Variants in STPG2 observed in about 807,000 individuals in gnomAD.
The protein encoded by STPG2 is sperm-tail PG-rich repeat-containing protein 2.
Under a neutral mutation model 54.2 loss-of-function variants are expected in STPG2, and 56 were observed. The observed-to-expected ratio is 1.03, with a 90% CI of 0.83 to 1.29. STPG2 has a LOEUF of 1.29. STPG2 is among the 50% of genes most tolerant of loss of function. STPG2 has a pLI of 0.00. For missense variants in STPG2, 596 were observed against 544.9 expected (o/e 1.09, Z -0.93); for synonymous variants, 200 against 181.8 (o/e 1.10, Z -0.81).
chr4:97,861,072 C>A (rs1729515821), intron 8 of STPG2, among the ~76,000 whole-genome samples: 1 of 152,016 alleles, frequency 6.6e-6, no homozygotes, highest in Non-Finnish European at 1.5e-5. Flanking sequence ...CTCAGAATGG[C>A]AGAAAATATT....
rs752718316 is a variant in STPG2 at position 97,712,704 on chromosome 4, A to C, written c.1315T>G (p.Tyr439Asp). ...AGAAGGAAATATTGACAAACCTCAT[A>C]TGTTGCTGGGCCTGGAGTAATCTCT... ...SKEITPGPATYEISQEKKKGN... is the reference protein window; with the variant it reads ...SKEITPGPATDEISQEKKKGN... Residue 439 changes from tyrosine (Y) to aspartate (D), a missense_variant, in exon 10 of 11, where the codon TAT becomes GAT. Tyr to Asp is a radical substitution (Grantham distance 160). Transcript: ENST00000295268. 1.3e-6 allele frequency: 2 copies of C among 1,572,188 alleles called. No homozygotes were observed. Among genetic ancestry groups the C allele is most frequent in the African/African-American group, 1.4e-5 (1 of 73,470 alleles).
chr4:97,538,448 G>A (rs1261960676), intron 4 of STPG2, among the ~76,000 whole-genome samples: 17 of 152,182 alleles, frequency 1.1e-4, no homozygotes, highest in South Asian at 2.1e-4. Flanking sequence ...ATCAGGGATC[G>A]AAGATCAAAT....
intron 10 of STPG2, among the ~76,000 whole-genome samples, chr4:97,666,984 TCAC>T (rs764526308): frequency 1.3e-5 from 2 of 152,174 alleles, no homozygotes; most frequent in Middle Eastern, 3.4e-3. Context: ...ACCTCCACTA[TCAC>T]CACCACCACC....
intron 10 of STPG2, among the ~76,000 whole-genome samples, chr4:97,685,887 G>A (rs1723173725): frequency 6.6e-6 from 1 of 152,128 alleles, no homozygotes; most frequent in Admixed American, 6.5e-5. Context: ...AGAGCAGTCT[G>A]ACTAATACAG....
intron 3 of STPG2, among the ~76,000 whole-genome samples, chr4:98,115,386 C>T (rs1160196162): frequency 6.6e-6 from 1 of 151,822 alleles, no homozygotes; most frequent in Non-Finnish European, 1.5e-5. Context: ...TAATAGTTAC[C>T]TGGGCTCTTC....
At chr4:97,680,037 G>C (rs1442540175) in intron 10 of STPG2, among the ~76,000 whole-genome samples, 1 of 152,088 alleles carries the variant, frequency 6.6e-6, no homozygotes, top group Non-Finnish European at 1.5e-5. Flanking sequence ...TAGCCTTGTA[G>C]TATAGTTTGA....
At chr4:97,918,169 A>G (rs886461300) in intron 8 of STPG2, among the ~76,000 whole-genome samples, 2 of 151,812 alleles carry the variant, frequency 1.3e-5, no homozygotes, top group Admixed American at 6.6e-5. Context: ...TGAGAAAGAA[A>G]AATTACTAAA....
At chr4:98,050,354 A>G (rs559554122) in intron 5 of STPG2, among the ~76,000 whole-genome samples, 2 of 152,254 alleles carry the variant, frequency 1.3e-5, no homozygotes, top group Non-Finnish European at 2.9e-5. Context: ...ATTGAAAATT[A>G]TTAAAGCTGA....
At chr4:97,940,075 G>T (rs1044875892) in intron 8 of STPG2, among the ~76,000 whole-genome samples, 1 of 152,146 alleles carries the variant, frequency 6.6e-6, no homozygotes. Flanking sequence ...AACTTAGCTG[G>T]ATATAAAATT....
chr4:97,848,486 T>C (rs977274424), intron 8 of STPG2, among the ~76,000 whole-genome samples: 3 of 152,144 alleles, frequency 2.0e-5, no homozygotes, highest in Non-Finnish European at 2.9e-5. Flanking sequence ...TCTAGGGGTA[T>C]ACAAGCTCCA....
At chr4:97,672,869 T>G (rs761083739) in intron 10 of STPG2, among the ~76,000 whole-genome samples, 7 of 152,216 alleles carry the variant, frequency 4.6e-5, no homozygotes, top group Non-Finnish European at 1.0e-4. Context: ...AAAAGGCAGT[T>G]GGAGGCTTCT....
intron 8 of STPG2, among the ~76,000 whole-genome samples, chr4:97,910,217 G>T (rs551437857): frequency 1.2e-4 from 18 of 152,290 alleles, no homozygotes; most frequent in African/African-American, 3.8e-4. Context: ...AAACTCTTGG[G>T]CAGAGCCATG....
intron 10 of STPG2, among the ~76,000 whole-genome samples, chr4:97,605,361 C>T (rs567400610): frequency 6.6e-6 from 1 of 151,776 alleles, no homozygotes; most frequent in South Asian, 2.1e-4. Flanking sequence ...TTAAAATATG[C>T]TTTCATGCAT....
intron 10 of STPG2, among the ~76,000 whole-genome samples, chr4:97,681,860 C>T (rs1723045316): frequency 6.6e-6 from 1 of 151,742 alleles, no homozygotes; most frequent in South Asian, 2.1e-4. Flanking sequence ...TAATGATCTG[C>T]ACACAGCACT....
chr4:97,855,618 C>T (rs1253431396), intron 8 of STPG2, among the ~76,000 whole-genome samples: 1 of 152,090 alleles, frequency 6.6e-6, no homozygotes, highest in Non-Finnish European at 1.5e-5. Flanking sequence ...TGTAGGTTGC[C>T]TGTTCACTCT....
At chr4:97,828,608 C>A (rs1728341198) in intron 9 of STPG2, among the ~76,000 whole-genome samples, 1 of 152,094 alleles carries the variant, frequency 6.6e-6, no homozygotes, top group Admixed American at 6.5e-5. Context: ...CAGTGGGTCT[C>A]ACCTCCACAG....
intron 5 of STPG2, among the ~76,000 whole-genome samples, chr4:98,045,909 T>A (rs907240636): frequency 1.3e-5 from 1 of 74,792 alleles, no homozygotes; most frequent in Non-Finnish European, 3.0e-5. Context: ...GGTTTGGAAA[T>A]TTTTCAGCCA....
chr4:97,775,985 C>T (rs896115555), intron 9 of STPG2, among the ~76,000 whole-genome samples: 19 of 152,192 alleles, frequency 1.2e-4, no homozygotes, highest in African/African-American at 4.6e-4. Context: ...TGGTCTCGAA[C>T]TCCTGACCTC....
intron 10 of STPG2, among the ~76,000 whole-genome samples, chr4:97,634,372 T>C (rs1721423422): frequency 6.6e-6 from 1 of 151,788 alleles, no homozygotes; most frequent in South Asian, 2.1e-4. Flanking sequence ...CAAAAGTAGA[T>C]AAAACCACAA....
Sources: gnomAD v4.1 joint callset for allele counts (sites outside exome capture counted in the v4.1 genomes callset) on GRCh38, gnomAD v4.1.1 for gene constraint, MANE v1.5 for transcripts, NCBI Gene and HGNC (gene_info 2026-07-23, HGNC 2026-07-21) for gene names.